IQCM: variants seen among roughly 807,000 people sequenced by gnomAD.
The protein encoded by IQCM is IQ motif containing M, also known as IQ domain-containing protein M.
Under a neutral mutation model 57.6 loss-of-function variants are expected in IQCM, and 45 were observed. The observed-to-expected ratio is 0.78, with a 90% CI of 0.62 to 1.00. IQCM has a LOEUF of 1.00. IQCM is among the 50% of genes least tolerant of loss of function. The probability of loss-of-function intolerance (pLI) is 0.00; values close to 1 mark genes in which losing one functional copy is unlikely to be tolerated. For missense variants in IQCM, 468 were observed against 511.6 expected (o/e 0.91, Z 0.82); for synonymous variants, 148 against 158.9 (o/e 0.93, Z 0.51).
chr4:149,743,579 G>A (rs1031524102), intron 2 of IQCM, among the ~76,000 whole-genome samples: 1 of 152,072 alleles, frequency 6.6e-6, no homozygotes, highest in African/African-American at 2.4e-5. Flanking sequence ...ATCACCTAAG[G>A]AGTTTTTAAA....
At chr4:149,461,422 T>G (rs1047200694) in intron 12 of IQCM, among the ~76,000 whole-genome samples, 9 of 152,074 alleles carry the variant, frequency 5.9e-5, no homozygotes, top group Admixed American at 2.0e-4. Flanking sequence ...TATCTGTCTT[T>G]GTTTAAAACA....
intron 13 of IQCM, among the ~76,000 whole-genome samples, chr4:149,378,369 G>A (rs941910756): frequency 1.3e-5 from 2 of 152,108 alleles, no homozygotes; most frequent in African/African-American, 2.4e-5. Context: ...CGAAAGTTTG[G>A]AAATCCCTAG....
At chr4:149,599,170 A>G (rs1006550134) in intron 8 of IQCM, among the ~76,000 whole-genome samples, 1 of 152,160 alleles carries the variant, frequency 6.6e-6, no homozygotes, top group Non-Finnish European at 1.5e-5. Flanking sequence ...AAAGCAAAAT[A>G]TCTCTCAGCT....
In IQCM at chr4:149,542,265, T is replaced by C. The variant is rs148645408; in HGVS notation, c.1228+6190A>G. Among the ~76,000 whole-genome samples, 272 of 152,200 alleles carry C rather than the reference T, an allele frequency of 1.8e-3. 1 individual carries two copies. The highest frequency in any genetic ancestry group is 5.8e-3 in the Admixed American group (88 of 15,276). Reference sequence around the variant, plus strand: ...ATATGCTTTTAAATTAACTTTTCTTTTGAAAATTTTAGTTTAAATAAGAAT... The same window carrying C: ...ATATGCTTTTAAATTAACTTTTCTTCTGAAAATTTTAGTTTAAATAAGAAT... On this transcript the variant is annotated intron_variant, in intron 12 of 13. Transcript: ENST00000636793.
chr4:149,680,495 G>T (rs1225486838), intron 7 of IQCM, among the ~76,000 whole-genome samples: 1 of 151,136 alleles, frequency 6.6e-6, no homozygotes, highest in Admixed American at 6.6e-5. Flanking sequence ...AGCCTAATGT[G>T]CAGAGACAGG....
intron 12 of IQCM, among the ~76,000 whole-genome samples, chr4:149,473,003 C>G (rs1463090215): frequency 6.6e-6 from 1 of 152,124 alleles, no homozygotes; most frequent in African/African-American, 2.4e-5. Context: ...AATGTTAGAC[C>G]TAAAACCATA....
chr4:149,522,237 G>T (rs1472184061), intron 12 of IQCM, among the ~76,000 whole-genome samples: 1 of 152,154 alleles, frequency 6.6e-6, no homozygotes, highest in Non-Finnish European at 1.5e-5. Flanking sequence ...CAGGACAGCT[G>T]CTCACCCCAC....
At chr4:149,536,356 C>T (rs1394028) in intron 12 of IQCM, among the ~76,000 whole-genome samples, 32,415 of 151,856 alleles carry the variant, frequency 0.21, 4,334 homozygotes, top group Non-Finnish European at 0.29. Flanking sequence ...TCTCCAGGTA[C>T]CCACCCCACA....
intron 12 of IQCM, among the ~76,000 whole-genome samples, chr4:149,509,619 A>T (rs1461986953): frequency 6.6e-6 from 1 of 152,184 alleles, no homozygotes; most frequent in Non-Finnish European, 1.5e-5. Flanking sequence ...ATCTAAGGCC[A>T]AGAAAGGGAG....
chr4:149,614,154 G>A (rs1028625905), intron 8 of IQCM, among the ~76,000 whole-genome samples: 8 of 152,090 alleles, frequency 5.3e-5, no homozygotes, highest in African/African-American at 1.7e-4. Context: ...GGGTGGGGCT[G>A]CAAAGTCTAA....
intron 8 of IQCM, among the ~76,000 whole-genome samples, chr4:149,605,506 T>C (rs546647641): frequency 1.3e-5 from 2 of 152,318 alleles, no homozygotes; most frequent in African/African-American, 2.4e-5. Flanking sequence ...TATTTACTGC[T>C]AAATAAATTT....
intron 13 of IQCM, among the ~76,000 whole-genome samples, chr4:149,415,750 C>A (rs1203896907): frequency 6.6e-6 from 1 of 152,012 alleles, no homozygotes; most frequent in Non-Finnish European, 1.5e-5. Flanking sequence ...GCAAGGATAG[C>A]TTTTCATAAA....
At chr4:149,462,309 T>C (rs112548413) in intron 12 of IQCM, among the ~76,000 whole-genome samples, 101 of 152,202 alleles carry the variant, frequency 6.6e-4, no homozygotes, top group African/African-American at 2.3e-3. Context: ...TTTTTGGGGA[T>C]AGACCAAAAG....
rs535457948 is a variant in IQCM at position 149,360,943 on chromosome 4, G to A, written c.1391-8877C>T. ...CTCAGAAGAAGACAGGAAAATGTGGGAAAGTTTGGAACTTCCTAGAAACTT... is the reference window on the plus strand; with the variant it reads ...CTCAGAAGAAGACAGGAAAATGTGGAAAAGTTTGGAACTTCCTAGAAACTT... On this transcript the variant is annotated intron_variant, in intron 13 of 13. Transcript: ENST00000636793. Among the ~76,000 whole-genome samples the A allele has an allele frequency of 7.2e-5, 11 of 152,312 alleles. No individual in the cohort carries two copies. In the South Asian group the frequency reaches 1.9e-3, roughly 26 times the overall value.
rs552621945 is a variant in IQCM, at chr4:149,640,802, C to A, written c.566-19558G>T. Among the ~76,000 whole-genome samples, 236 of 152,156 alleles carry A rather than the reference C, an allele frequency of 1.6e-3. 1 individual carries two copies. Among genetic ancestry groups the A allele is most frequent in the African/African-American group, 5.5e-3 (229 of 41,522 alleles). On this transcript the variant is annotated intron_variant, in intron 7 of 13. Coordinates refer to ENST00000636793, the MANE Select transcript of IQCM (RefSeq NM_001363507.2). ...AATATATTAAAAGTTTTTTAACAAC[C>A]GGATAACATCCCTGATCCACCTTTC...
chr4:149,511,217 C>T (rs1744377260), intron 12 of IQCM, among the ~76,000 whole-genome samples: 1 of 152,112 alleles, frequency 6.6e-6, no homozygotes, highest in Non-Finnish European at 1.5e-5. Flanking sequence ...TTACATATCA[C>T]TTTTTAAAAT....
intron 10 of IQCM, among the ~76,000 whole-genome samples, chr4:149,555,925 G>T (rs1306544668): frequency 6.6e-6 from 1 of 152,140 alleles, no homozygotes; most frequent in African/African-American, 2.4e-5. Flanking sequence ...CAGGCATTTG[G>T]AAGGTTACCT....
chr4:149,480,496 ATAAG>A (rs143639923), intron 12 of IQCM, among the ~76,000 whole-genome samples: 1,790 of 152,248 alleles, frequency 0.012, 36 homozygotes, highest in Non-Finnish European at 0.014. Flanking sequence ...GATCCCATAA[ATAAG>A]TGAGAACACG....
chr4:149,689,622 G>A (rs1214146753), intron 5 of IQCM, among the ~76,000 whole-genome samples: 2 of 151,968 alleles, frequency 1.3e-5, no homozygotes, highest in Non-Finnish European at 2.9e-5. Flanking sequence ...AAAAGGAACA[G>A]TCAGCAGAGT....
Sources: allele counts gnomAD v4.1 joint callset (sites outside exome capture counted in the v4.1 genomes callset), GRCh38; gene constraint gnomAD v4.1.1; transcripts MANE v1.5; gene names NCBI Gene and HGNC (gene_info 2026-07-23, HGNC 2026-07-21).